The following PARP14 variants were observed in gnomAD, a reference collection of about 807,000 sequenced individuals.
The protein encoded by PARP14 is protein mono-ADP-ribosyltransferase PARP14.
PARP14 carries 59 observed loss-of-function variants against 154.2 expected under a neutral mutation model. The ratio of observed to expected loss-of-function variants is 0.38; its 90% CI spans 0.31 to 0.48. The LOEUF is 0.48. Ranked by LOEUF, PARP14 falls within the 20% of genes least tolerant of loss-of-function variation. The pLI is 0.98. For missense variants in PARP14, 1,734 were observed against 2,131.6 expected, an observed-to-expected ratio of 0.81 and a Z score of 3.67; for synonymous variants, 720 against 780.5, an observed-to-expected ratio of 0.92 and a Z score of 1.29.
chr3:122,699,129 G>A (rs1357665845), intron 5 of PARP14, among the ~76,000 whole-genome samples: 1 of 152,120 alleles, frequency 6.6e-6, no homozygotes, highest in Non-Finnish European at 1.5e-5. Flanking sequence ...TTATATTTGA[G>A]CACTTTGAGA....
rs1933144305 is a variant in PARP14, at chr3:122,720,736, C to A, written c.4941+348C>A. On this transcript the variant is annotated intron_variant, in intron 15 of 16. Transcript: ENST00000474629. ...ATGCAGAGGCTCCTTAGATCAGGAC[C>A]ATGTTACTCTGCCCCATTATTCACA... 6.5e-6 allele frequency: 3 copies of A among 464,132 alleles called. No homozygotes were observed. The Admixed American group carries it at 7.0e-5, about 11-fold the overall frequency. 28.8% of individuals were successfully genotyped at this position (464,132 alleles called of 1,614,324 possible). A position where few individuals can be genotyped will look rare whatever the true frequency, so the allele number is the denominator to read the frequency against.
In PARP14 at chr3:122,728,448, C is replaced by T. The variant is rs773230901; in HGVS notation, c.5257C>T (p.His1753Tyr). ...TACTGGAATCTATACACATGGAAATCATTCATTAATTGTGCCTCCTTCAAA... is the reference window on the plus strand; with the variant it reads ...TACTGGAATCTATACACATGGAAATTATTCATTAATTGTGCCTCCTTCAAA... Reference protein sequence around the residue: ...VLTGIYTHGNHSLIVPPSKNP... With the variant: ...VLTGIYTHGNYSLIVPPSKNP... Residue 1753 changes from histidine (H) to tyrosine (Y), a missense_variant, in exon 17 of 17, where the codon CAT becomes TAT. His to Tyr is a moderately conservative substitution (Grantham distance 83). This residue lies in a region of PARP14 where 88 missense variants were observed against 155.6 expected (regional missense o/e 0.57). Coordinates refer to ENST00000474629, the MANE Select transcript of PARP14 (RefSeq NM_017554.3). 2 of 1,613,932 alleles carry T rather than the reference C, an allele frequency of 1.2e-6. No individual in the cohort carries two copies. The highest frequency in any genetic ancestry group is 1.7e-6 in the Non-Finnish European group (2 of 1,179,848).
intron 9 of PARP14, 100 bp from the exon 10 acceptor site, chr3:122,713,324 G>GA: frequency 3.4e-6 from 3 of 874,910 alleles, no homozygotes; most frequent in Non-Finnish European, 5.2e-6. Flanking sequence ...AGAAAGAGAG[G>GA]GAGAGGGAAG....
At chr3:122,696,888 C>T (rs973016896) in intron 5 of PARP14, among the ~76,000 whole-genome samples, 2 of 152,146 alleles carry the variant, frequency 1.3e-5, no homozygotes, top group African/African-American at 4.8e-5. Context: ...ATTCTCTGTC[C>T]TCCACCATCT....
At chr3:122,719,061 T>A in intron 14 of PARP14, 103 bp downstream of exon 14, 2 of 1,123,074 alleles carry the variant, frequency 1.8e-6, no homozygotes, top group South Asian at 1.9e-5. Context: ...AAAATTCATG[T>A]GACACTAATG....
At position 122,681,654 on chromosome 3, in the gene PARP14, G is replaced by C. The variant is rs771086229; in HGVS notation, c.187+584G>C. Among the ~76,000 whole-genome samples, 4 of 152,186 alleles carry C rather than the reference G, an allele frequency of 2.6e-5. No homozygotes were observed. The highest frequency in any genetic ancestry group is 5.9e-5 in the Non-Finnish European group (4 of 68,028). ...ATCGACCACAGGTGCCCATTGTCGA[G>C]GGCCTGCCGGGGCCTCTTCTCCGAG... On this transcript the variant is annotated intron_variant, in intron 1 of 16. Coordinates refer to ENST00000474629, the MANE Select transcript of PARP14 (RefSeq NM_017554.3). This position sits in a 1 kb window ranked among gnomAD's most constrained non-coding sequence, Gnocchi z 5.5.
Position 122,700,264 on chromosome 3 carries a change from A to G in PARP14, c.1710A>G (p.Leu570=). ...IAQKILALYE[L]EGTTVLLTSC... is the part of the protein sequence containing the mutation. ...AGAAGATTCTTGCACTTTATGAGCT[A>G]GAGGGTACAACTGTTCTCTTAACCA... Residue 570 remains leucine (L), a synonymous_variant, in exon 6 of 17, where the codon CTA becomes CTG. Coordinates refer to ENST00000474629, the MANE Select transcript of PARP14 (RefSeq NM_017554.3). 1 of 1,613,012 alleles carries G rather than the reference A, an allele frequency of 6.2e-7. No individual in the cohort carries two copies. Among genetic ancestry groups the G allele is most frequent in the Non-Finnish European group, 8.5e-7 (1 of 1,179,352 alleles).
intron 9 of PARP14, 101 bp from the exon 10 acceptor site, chr3:122,713,323 G>GA: frequency 3.5e-6 from 3 of 855,010 alleles, no homozygotes; most frequent in Non-Finnish European, 5.4e-6. Context: ...CAGAAAGAGA[G>GA]GGAGAGGGAA....
Position 122,701,403 on chromosome 3 carries a change from A to G in PARP14, c.2849A>G (p.Asp950Gly), listed in dbSNP as rs766104678. 2 of 1,613,884 alleles carry G rather than the reference A, an allele frequency of 1.2e-6. No homozygotes were observed. The highest frequency in any genetic ancestry group is 2.2e-5 in the South Asian group (2 of 91,088). The change falls in exon 6 of 17, where the codon GAT becomes GGT. Residue 950 changes from aspartate to glycine, a missense_variant. This residue lies in a region of PARP14 where 1,646 missense variants were observed against 1,976.0 expected (regional missense o/e 0.83). Transcript: ENST00000474629. This position sits in a 1 kb window ranked among gnomAD's most constrained non-coding sequence, Gnocchi z 4.0. The stretch of plus-strand genomic sequence containing the variant: ...AAGGAAAACTTCCAATTCAAGAAGG[A>G]TGGACACTGCTTGAAAGAAATCTAC... ...AIKENFQFKK[D>G]GHCLKEIYLV... is the part of the protein sequence containing the mutation.
chr3:122,699,872 G>A lies in PARP14; in HGVS notation c.1318G>A (p.Glu440Lys). The change falls in exon 6 of 17, where the codon GAG (glutamate) becomes AAG (lysine). Residue 440 changes from glutamate (E) to lysine (K), a missense_variant. Coordinates refer to ENST00000474629, the MANE Select transcript of PARP14 (RefSeq NM_017554.3). Reference protein sequence around the residue: ...KEMVILAGKSEDVQSIEVQVR... With the variant: ...KEMVILAGKSKDVQSIEVQVR... ...GATGGTAATCTTAGCAGGGAAATCA[G>A]AGGATGTCCAAAGCATTGAGGTACA... 6.2e-7 allele frequency: 1 copy of A among 1,613,880 alleles called. No homozygotes were observed. Among genetic ancestry groups the A allele is most frequent in the Non-Finnish European group, 8.5e-7 (1 of 1,179,758 alleles).
intron 3 of PARP14, among the ~76,000 whole-genome samples, chr3:122,690,550 C>T (rs768435267): frequency 9.9e-5 from 15 of 152,138 alleles, no homozygotes; most frequent in East Asian, 1.9e-4. Flanking sequence ...GAGACGGAAT[C>T]GCCCAGACTG....
intron 8 of PARP14, among the ~76,000 whole-genome samples, chr3:122,705,125 A>G (rs1226460413): frequency 6.6e-6 from 1 of 152,226 alleles, no homozygotes; most frequent in Non-Finnish European, 1.5e-5. Flanking sequence ...CATTTTATCC[A>G]TAAACAATTC....
At chr3:122,692,155 G>A in intron 3 of PARP14, 146 bp from the exon 4 acceptor site, 1 of 522,650 alleles carries the variant, frequency 1.9e-6, no homozygotes, top group Admixed American at 3.2e-5. Flanking sequence ...TTTAAATAAA[G>A]CAAAAAGCCA....
At chr3:122,712,562 T>C (rs542371302) in intron 9 of PARP14, among the ~76,000 whole-genome samples, 1 of 151,406 alleles carries the variant, frequency 6.6e-6, no homozygotes, top group African/African-American at 2.4e-5. Flanking sequence ...TTGACATCTT[T>C]TTTTTTTTGA....
intron 7 of PARP14, 78 bp from the exon 8 acceptor site, chr3:122,704,449 G>T: frequency 2.4e-6 from 2 of 842,718 alleles, no homozygotes; most frequent in Non-Finnish European, 1.9e-6. Flanking sequence ...AGTTCACAAA[G>T]TTGCTAAATT....
rs1347054155 is a variant in PARP14 at position 122,720,258 on chromosome 3, A to T, written c.4811A>T (p.Asp1604Val). The T allele has an allele frequency of 6.2e-7, 1 of 1,612,946 alleles. No individual in the cohort carries two copies. Among genetic ancestry groups the T allele is most frequent in the Non-Finnish European group, 8.5e-7 (1 of 1,179,396 alleles). The change falls in exon 15 of 17, where the codon GAC becomes GTC. Residue 1604 changes from aspartate (D) to valine (V), a missense_variant. This residue lies in a region of PARP14 where 1,646 missense variants were observed against 1,976.0 expected (regional missense o/e 0.83). Coordinates refer to ENST00000474629, the MANE Select transcript of PARP14 (RefSeq NM_017554.3). Reference protein sequence around the residue: ...SVQRLTKSKVDIPAHWSDMKQ... With the variant: ...SVQRLTKSKVVIPAHWSDMKQ... The stretch of plus-strand genomic sequence containing the variant: ...TCCTCAAATGTCTCCTTTGCAGTTG[A>T]CATCCCTGCACACTGGAGTGATATG...
chr3:122,700,713 C>G lies in PARP14; in HGVS notation c.2159C>G (p.Ser720Ter). ...CAAAAAGGCATTTTACTAACTGGCT[C>G]AAAGACCGAAGTACTGAAGGCAGTG... Reference protein sequence around the residue: ...NKQKGILLTGSKTEVLKAVDI... With the variant: ...NKQKGILLTG The change falls in exon 6 of 17, where the codon TCA becomes TGA. Residue 720 changes from serine (S) to a stop codon, truncating the protein, a stop_gained. Coordinates refer to ENST00000474629, the MANE Select transcript of PARP14 (RefSeq NM_017554.3). LOFTEE classifies it high-confidence loss of function. The G allele has an allele frequency of 6.2e-7, 1 of 1,612,568 alleles. No homozygotes were observed. The highest frequency in any genetic ancestry group is 8.5e-7 in the Non-Finnish European group (1 of 1,179,242).
Position 122,685,613 on chromosome 3 carries a change from G to C in PARP14, c.321+295G>C, listed in dbSNP as rs1272718. Among the ~76,000 whole-genome samples, 666 of 151,778 alleles carry C rather than the reference G, an allele frequency of 4.4e-3. 4 individuals are homozygous for C. Among genetic ancestry groups the C allele is most frequent in the African/African-American group, 0.015 (628 of 41,364 alleles). On this transcript the variant is annotated intron_variant, in intron 2 of 16. Transcript: ENST00000474629. The stretch of plus-strand genomic sequence containing the variant: ...CAACCTCTGCCTCCTGGGTTCAAGT[G>C]ATTCTTCTGCCTTAGCCTCCTGAGT...
At chr3:122,711,561 CT>C (rs1939320345) in intron 9 of PARP14, among the ~76,000 whole-genome samples, 1 of 151,672 alleles carries the variant, frequency 6.6e-6, no homozygotes, top group Non-Finnish European at 1.5e-5. Context: ...TTGTTGTATC[CT>C]TTCTTGGATT....
Sources: allele counts gnomAD v4.1 joint callset (sites outside exome capture counted in the v4.1 genomes callset), GRCh38; gene constraint gnomAD v4.1.1; regional missense constraint gnomAD v4.1.1; non-coding constraint Gnocchi (gnomAD v3.1); transcripts MANE v1.5; gene names NCBI Gene and HGNC (gene_info 2026-07-23, HGNC 2026-07-21).